The following KHDRBS2 variants were observed in gnomAD, a reference collection of about 807,000 sequenced individuals.
The protein encoded by KHDRBS2 is KH domain-containing, RNA-binding, signal transduction-associated protein 2.
KHDRBS2 carries 26 observed loss-of-function variants against 44.3 expected under a neutral mutation model. The observed-to-expected ratio is 0.59, with a 90% CI of 0.43 to 0.81. KHDRBS2 has a LOEUF of 0.81. KHDRBS2 is among the 40% of genes least tolerant of loss of function. KHDRBS2 has a pLI of 0.00. For synonymous variants in KHDRBS2, 194 were observed against 151.1 expected (o/e 1.28, Z -2.08); for missense variants, 476 against 433.1 (o/e 1.10, Z -0.88).
chr6:61,645,905 T>C, the KHDRBS2 span, among the ~76,000 whole-genome samples: 4 of 152,150 alleles, frequency 2.6e-5, no homozygotes, highest in Non-Finnish European at 5.9e-5. Context: ...TGGAGGGTGG[T>C]ATGGCGGCAT....
At chr6:61,602,189 C>A in the KHDRBS2 span, among the ~76,000 whole-genome samples, 1 of 152,140 alleles carries the variant, frequency 6.6e-6, no homozygotes, top group African/African-American at 2.4e-5. Flanking sequence ...CTTAATTAAC[C>A]TAGCCTTCAA....
At chr6:62,062,536 C>T (rs905163230) in intron 2 of KHDRBS2, among the ~76,000 whole-genome samples, 1 of 151,732 alleles carries the variant, frequency 6.6e-6, no homozygotes, top group Non-Finnish European at 1.5e-5. Context: ...CTACTGGGTA[C>T]ATAACAAAAT....
At chr6:62,016,160 A>G (rs1021069602) in intron 3 of KHDRBS2, among the ~76,000 whole-genome samples, 3 of 152,102 alleles carry the variant, frequency 2.0e-5, no homozygotes, top group Admixed American at 6.6e-5. Flanking sequence ...TAGTGGTTCT[A>G]TAAGCTTATA....
intron 3 of KHDRBS2, among the ~76,000 whole-genome samples, chr6:62,020,562 G>T (rs545392224): frequency 1.9e-4 from 26 of 136,290 alleles, no homozygotes; most frequent in African/African-American, 6.9e-4. Context: ...TATAACTGTG[G>T]ATATGTCTAT....
chr6:61,570,599 A>G, the KHDRBS2 span, among the ~76,000 whole-genome samples: 1 of 152,156 alleles, frequency 6.6e-6, no homozygotes. Flanking sequence ...GAAAAAAATC[A>G]TCACCCAGGC....
intron 4 of KHDRBS2, among the ~76,000 whole-genome samples, chr6:61,915,309 C>A (rs1305307548): frequency 1.3e-5 from 2 of 151,982 alleles, no homozygotes; most frequent in Non-Finnish European, 2.9e-5. Flanking sequence ...GGGCAGAATT[C>A]AAGTTTTGCT....
At chr6:61,728,180 T>C (rs1347323902) in intron 7 of KHDRBS2, among the ~76,000 whole-genome samples, 2 of 151,998 alleles carry the variant, frequency 1.3e-5, no homozygotes, top group Non-Finnish European at 2.9e-5. Context: ...AGCAAACTAA[T>C]GCAGGAAGAG....
chr6:62,059,038 T>A (rs1790982512), intron 2 of KHDRBS2, among the ~76,000 whole-genome samples: 1 of 151,484 alleles, frequency 6.6e-6, no homozygotes, highest in Admixed American at 6.6e-5. Flanking sequence ...TAAATACCTC[T>A]TTCAGAAAAC....
the KHDRBS2 span, among the ~76,000 whole-genome samples, chr6:61,552,206 A>G: frequency 6.6e-6 from 1 of 151,676 alleles, no homozygotes; most frequent in African/African-American, 2.4e-5. Flanking sequence ...GTGTTTTGTA[A>G]TTCTAATTGT....
At chr6:61,555,211 A>T in the KHDRBS2 span, among the ~76,000 whole-genome samples, 6 of 151,740 alleles carry the variant, frequency 4.0e-5, no homozygotes, top group East Asian at 9.7e-4. Context: ...CAACTTTATT[A>T]TTTTTTTTCT....
chr6:62,073,817 G>A (rs1353788245), intron 2 of KHDRBS2, among the ~76,000 whole-genome samples: 1 of 151,396 alleles, frequency 6.6e-6, no homozygotes, highest in South Asian at 2.1e-4. Flanking sequence ...CACCAAGATC[G>A]ACATTAGTTG....
At chr6:61,764,399 A>T (rs1779700885) in intron 6 of KHDRBS2, among the ~76,000 whole-genome samples, 1 of 152,196 alleles carries the variant, frequency 6.6e-6, no homozygotes, top group Non-Finnish European at 1.5e-5. Context: ...GTATCTGAGG[A>T]ATCATCACAC....
chr6:61,567,505 G>A, the KHDRBS2 span, among the ~76,000 whole-genome samples: 2 of 152,142 alleles, frequency 1.3e-5, no homozygotes, highest in Non-Finnish European at 1.5e-5. Flanking sequence ...GCCAGGCATG[G>A]TGGTGTGCAC....
chr6:62,224,544 G>A (rs1458912004), intron 1 of KHDRBS2, among the ~76,000 whole-genome samples: 3 of 152,146 alleles, frequency 2.0e-5, no homozygotes, highest in Non-Finnish European at 4.4e-5. Context: ...GGACTTAACT[G>A]AGAAATGTAA....
chr6:62,014,220 A>G (rs1273680740), intron 3 of KHDRBS2, among the ~76,000 whole-genome samples: 1 of 152,154 alleles, frequency 6.6e-6, no homozygotes, highest in Non-Finnish European at 1.5e-5. Context: ...AAATTTTTTC[A>G]GTCTACAATA....
intron 2 of KHDRBS2, among the ~76,000 whole-genome samples, chr6:62,062,996 A>G (rs980628239): frequency 2.0e-5 from 3 of 151,250 alleles, no homozygotes; most frequent in Non-Finnish European, 2.9e-5. Context: ...GAATACTACA[A>G]ACAACTCTAT....
the KHDRBS2 span, among the ~76,000 whole-genome samples, chr6:61,603,863 C>T: frequency 2.0e-5 from 3 of 152,126 alleles, no homozygotes; most frequent in East Asian, 3.9e-4. Context: ...CTCTGATCCA[C>T]CTGACATACA....
At chr6:62,156,806 G>A (rs1816501551) in intron 2 of KHDRBS2, among the ~76,000 whole-genome samples, 1 of 150,412 alleles carries the variant, frequency 6.6e-6, no homozygotes, top group Non-Finnish European at 1.5e-5. Context: ...TGAGTAGCTG[G>A]GACTACAGGT....
chr6:62,068,015 G>C (rs1794151839), intron 2 of KHDRBS2, among the ~76,000 whole-genome samples: 1 of 151,550 alleles, frequency 6.6e-6, no homozygotes, highest in African/African-American at 2.4e-5. Flanking sequence ...TTTGTGTACA[G>C]CTTTTTGTGT....
Sources: allele counts gnomAD v4.1 joint callset (sites outside exome capture counted in the v4.1 genomes callset), GRCh38; gene constraint gnomAD v4.1.1; transcripts MANE v1.5; gene names NCBI Gene and HGNC (gene_info 2026-07-23, HGNC 2026-07-21).